The following SH3RF1 variants were observed in gnomAD, a reference collection of about 807,000 sequenced individuals.
The protein encoded by SH3RF1 is E3 ubiquitin-protein ligase SH3RF1.
SH3RF1 carries 32 observed loss-of-function variants against 74.0 expected under a neutral mutation model. That is an observed-to-expected ratio of 0.43 (90% CI 0.33 to 0.58). SH3RF1 has a LOEUF of 0.58. SH3RF1 is among the 20% of genes least tolerant of loss of function. SH3RF1 has a pLI of 0.05. For synonymous variants in SH3RF1, 396 were observed against 439.6 expected, an observed-to-expected ratio of 0.90 and a Z score of 1.24; for missense variants, 954 against 1,130.9, an observed-to-expected ratio of 0.84 and a Z score of 2.24.
intron 2 of SH3RF1, among the ~76,000 whole-genome samples, chr4:169,183,583 A>T (rs1264088052): frequency 1.3e-5 from 2 of 152,006 alleles, no homozygotes. Context: ...GCCCAGCCAA[A>T]ACAATTTTTT....
In SH3RF1 at chr4:169,269,311, G is replaced by C. The variant is rs1731405551; in HGVS notation, c.-95-4C>G. On this transcript the variant is annotated splice_polypyrimidine_tract_variant and splice_region_variant and intron_variant, in intron 1 of 11. Transcript: ENST00000284637. ...AACATCCATTTCAGACTTTGCTCTA[G>C]AGTCATGGGGAAAAGGGGGAAAAGA... is the stretch of plus-strand genomic sequence containing the variant. The C allele has an allele frequency of 2.3e-6, 3 of 1,284,816 alleles. No homozygotes were observed. The highest frequency in any genetic ancestry group is 2.5e-5 in the East Asian group (1 of 40,064). The allele number at this position is 1,284,816 out of a possible 1,614,324, so 79.6% of individuals were successfully genotyped here.
intron 2 of SH3RF1, among the ~76,000 whole-genome samples, chr4:169,229,931 CG>C (rs1730707895): frequency 6.7e-6 from 1 of 148,312 alleles, no homozygotes; most frequent in Non-Finnish European, 1.5e-5. Flanking sequence ...CTTGGCCAGG[CG>C]AGGTGGCTCA....
At chr4:169,234,889 G>A (rs749519632) in intron 2 of SH3RF1, among the ~76,000 whole-genome samples, 4 of 152,026 alleles carry the variant, frequency 2.6e-5, no homozygotes, top group Admixed American at 6.6e-5. Flanking sequence ...CAGCATTTCT[G>A]GCTTCTACCC....
intron 2 of SH3RF1, among the ~76,000 whole-genome samples, chr4:169,173,173 C>A (rs1318174427): frequency 6.6e-6 from 1 of 152,060 alleles, no homozygotes; most frequent in African/African-American, 2.4e-5. Context: ...TCTTCGCCAA[C>A]CACATAGTAG....
chr4:169,209,550 G>C (rs1208369238), intron 2 of SH3RF1, among the ~76,000 whole-genome samples: 2 of 152,172 alleles, frequency 1.3e-5, no homozygotes, highest in African/African-American at 4.8e-5. Context: ...TATCTTGCTT[G>C]TAATTGCAGT....
chr4:169,193,806 A>G (rs565840013), intron 2 of SH3RF1, among the ~76,000 whole-genome samples: 1 of 152,356 alleles, frequency 6.6e-6, no homozygotes, highest in African/African-American at 2.4e-5. Flanking sequence ...GAAAACAGAT[A>G]GAGTCTACGA....
intron 6 of SH3RF1, among the ~76,000 whole-genome samples, chr4:169,122,902 T>C (rs1449742467): frequency 1.3e-5 from 2 of 152,214 alleles, no homozygotes; most frequent in Admixed American, 6.5e-5. Context: ...AAGCTGCTGG[T>C]TCCTTTATGG....
At chr4:169,251,970 T>C (rs1293590463) in intron 2 of SH3RF1, among the ~76,000 whole-genome samples, 1 of 152,234 alleles carries the variant, frequency 6.6e-6, no homozygotes, top group East Asian at 1.9e-4. Context: ...ATACATGTGT[T>C]TGTGCCAACT....
intron 2 of SH3RF1, among the ~76,000 whole-genome samples, chr4:169,256,053 CCA>C (rs1413014824): frequency 2.6e-5 from 4 of 152,190 alleles, no homozygotes; most frequent in Non-Finnish European, 5.9e-5. Context: ...TAGGCGTGAG[CCA>C]CCATGCCTGG....
Position 169,268,928 on chromosome 4 carries a change from A to C in SH3RF1, c.285T>G (p.Asn95Lys), listed in dbSNP as rs748011537. 1 of 1,614,052 alleles carries C rather than the reference A, an allele frequency of 6.2e-7. No individual in the cohort carries two copies. Among genetic ancestry groups the C allele is most frequent in the South Asian group, 1.1e-5 (1 of 91,066 alleles). ...PGGGSGTNCT[N>K]ALRSQSSTVA... ...CAGTGCTGCTCTGAGACCTTAATGC[A>C]TTTGTGCAGTTGGTCCCACTTCCCC... Residue 95 changes from asparagine to lysine, a missense_variant, in exon 2 of 12, where the codon AAT becomes AAG. By Grantham distance (94) the Asn-to-Lys change is moderately conservative. Coordinates refer to ENST00000284637, the MANE Select transcript of SH3RF1 (RefSeq NM_020870.4).
chr4:169,106,825 C>T, intron 11 of SH3RF1, 22 bp downstream of exon 11: 3 of 1,516,542 alleles, frequency 2.0e-6, no homozygotes, highest in East Asian at 2.3e-5. Context: ...TTAGTTTTTT[C>T]CTGGAACGAA....
intron 2 of SH3RF1, among the ~76,000 whole-genome samples, chr4:169,250,923 T>A (rs908698346): frequency 6.6e-6 from 1 of 152,184 alleles, no homozygotes; most frequent in Non-Finnish European, 1.5e-5. Context: ...AAAGCTGACC[T>A]TCCTTCCAGG....
rs1250521493 is a variant in SH3RF1, at chr4:169,218,226, CAT to C, written c.393+50592_393+50593del. Among the ~76,000 whole-genome samples, 30 of 140,690 alleles carry C rather than the reference CAT, an allele frequency of 2.1e-4. No individual in the cohort carries two copies. In the South Asian group the frequency reaches 3.1e-3, roughly 15 times the overall value. 92.3% of individuals were successfully genotyped at this position (140,690 alleles called of 152,430 possible). A position where few individuals can be genotyped will look rare whatever the true frequency, so the allele number is the denominator to read the frequency against. On this transcript the variant is annotated intron_variant, in intron 2 of 11. Coordinates refer to ENST00000284637, the MANE Select transcript of SH3RF1 (RefSeq NM_020870.4). ...AATATAATATATAATATAATATAAA[CAT>C]ATTCTGTCTATAATATAGAATATGT...
chr4:169,204,711 C>T lies in SH3RF1; in HGVS notation c.394-48032G>A, dbSNP rs569235962. Among the ~76,000 whole-genome samples the T allele has an allele frequency of 3.9e-5, 6 of 152,038 alleles. No individual in the cohort carries two copies. The South Asian group carries it at 6.2e-4, about 16-fold the overall frequency. The stretch of plus-strand genomic sequence containing the variant: ...GACTACAGGCATGCACTACCACGCC[C>T]GGCTAATTTTTTGTATTTTAGTAGA... On this transcript the variant is annotated intron_variant, in intron 2 of 11. Transcript: ENST00000284637.
At chr4:169,188,047 C>T (rs1734637935) in intron 2 of SH3RF1, among the ~76,000 whole-genome samples, 2 of 152,034 alleles carry the variant, frequency 1.3e-5, no homozygotes, top group African/African-American at 4.8e-5. Flanking sequence ...GGACTGCTGG[C>T]AACCACCGAA....
intron 2 of SH3RF1, among the ~76,000 whole-genome samples, chr4:169,162,228 A>G (rs1156239629): frequency 6.6e-6 from 1 of 152,246 alleles, no homozygotes; most frequent in African/African-American, 2.4e-5. Flanking sequence ...CCTACAAAGT[A>G]AAATATCTGT....
chr4:169,136,054 T>C (rs1395771405), intron 5 of SH3RF1, among the ~76,000 whole-genome samples: 3 of 152,232 alleles, frequency 2.0e-5, no homozygotes, highest in Non-Finnish European at 4.4e-5. Flanking sequence ...GTGAAACTGG[T>C]AAGTATTATA....
chr4:169,254,537 A>T (rs1428421900), intron 2 of SH3RF1, among the ~76,000 whole-genome samples: 2 of 152,226 alleles, frequency 1.3e-5, no homozygotes, highest in Non-Finnish European at 2.9e-5. Context: ...TATCGTAAAG[A>T]TTACAGAAAC....
intron 2 of SH3RF1, among the ~76,000 whole-genome samples, chr4:169,222,885 T>C (rs1730590388): frequency 6.6e-6 from 1 of 152,168 alleles, no homozygotes; most frequent in South Asian, 2.1e-4. Flanking sequence ...AATGGCAAGT[T>C]CTCAGCTGTC....
Sources: allele counts gnomAD v4.1 joint callset (sites outside exome capture counted in the v4.1 genomes callset), GRCh38; gene constraint gnomAD v4.1.1; transcripts MANE v1.5; gene names NCBI Gene and HGNC (gene_info 2026-07-23, HGNC 2026-07-21).